The following RAD51B variants were observed in gnomAD, a reference collection of about 807,000 sequenced individuals.
RAD51B encodes the protein RAD51 paralog B.
Under a neutral mutation model 42.2 loss-of-function variants are expected in RAD51B, and 38 were observed. The ratio of observed to expected loss-of-function variants is 0.90; its 90% confidence interval spans 0.70 to 1.18. The LOEUF is 1.18. Ranked by LOEUF, RAD51B falls within the 50% of genes most tolerant of loss-of-function variation. RAD51B has a pLI of 0.00. For synonymous variants in RAD51B, 154 were observed against 145.2 expected (o/e 1.06, Z -0.43); for missense variants, 373 against 400.7 (o/e 0.93, Z 0.59).
At chr14:67,984,180 G>T (rs763782200) in intron 7 of RAD51B, among the ~76,000 whole-genome samples, 3 of 151,980 alleles carry the variant, frequency 2.0e-5, no homozygotes, top group Non-Finnish European at 2.9e-5. Context: ...CTCGTGATCT[G>T]CCTGCCTCTG....
intron 7 of RAD51B, among the ~76,000 whole-genome samples, chr14:68,019,403 T>C (rs1343573712): frequency 6.6e-6 from 1 of 152,180 alleles, no homozygotes; most frequent in East Asian, 1.9e-4. Context: ...CTTTTTATGA[T>C]CATGGTTGAC....
intron 7 of RAD51B, among the ~76,000 whole-genome samples, chr14:67,982,105 T>C (rs928134881): frequency 6.6e-6 from 1 of 152,230 alleles, no homozygotes. Context: ...CCTGGCTGTT[T>C]TGTATTTTTA....
chr14:68,361,865 A>G (rs1449435534), intron 8 of RAD51B, among the ~76,000 whole-genome samples: 1 of 152,086 alleles, frequency 6.6e-6, no homozygotes, highest in Non-Finnish European at 1.5e-5. Context: ...TAGTAGAGAT[A>G]GGGTTTTACC....
intron 10 of RAD51B, among the ~76,000 whole-genome samples, chr14:68,593,351 A>G (rs2257127): frequency 0.2 from 30,378 of 152,226 alleles, 3,213 homozygotes; most frequent in Non-Finnish European, 0.23. Context: ...CAGGCCCATG[A>G]TGGGCTCTCT....
intron 7 of RAD51B, among the ~76,000 whole-genome samples, chr14:68,121,439 A>T (rs1409407129): frequency 2.0e-5 from 3 of 152,030 alleles, no homozygotes; most frequent in African/African-American, 7.2e-5. Flanking sequence ...GTACCATATG[A>T]CCCCATCCCC....
downstream of RAD51B, among the ~76,000 whole-genome samples, chr14:68,615,677 T>A (rs568427056): frequency 4.7e-4 from 72 of 152,342 alleles, no homozygotes; most frequent in African/African-American, 1.7e-3. Flanking sequence ...TGAAATTGTC[T>A]CTCTTTATCT....
intron 10 of RAD51B, among the ~76,000 whole-genome samples, chr14:68,624,528 C>G (rs1892028157): frequency 1.3e-5 from 2 of 152,136 alleles, no homozygotes; most frequent in Admixed American, 6.5e-5. Flanking sequence ...CTGGGATCCC[C>G]CTAACCGCAG....
chr14:67,852,441 A>G (rs1244885910), intron 4 of RAD51B, among the ~76,000 whole-genome samples: 1 of 152,102 alleles, frequency 6.6e-6, no homozygotes, highest in African/African-American at 2.4e-5. Flanking sequence ...CATGGCTTAT[A>G]TGGCTGGGAA....
intron 7 of RAD51B, among the ~76,000 whole-genome samples, chr14:67,983,669 C>T (rs1223461216): frequency 6.6e-6 from 1 of 152,072 alleles, no homozygotes; most frequent in African/African-American, 2.4e-5. Context: ...TAAGATGAGC[C>T]TGAAGAGCTA....
At chr14:67,940,055 T>TA (rs1342389102) in intron 7 of RAD51B, among the ~76,000 whole-genome samples, 126 of 8,608 alleles carry the variant, frequency 0.015, no homozygotes, top group East Asian at 0.029. Flanking sequence ...TATATATATA[T>TA]TTTTTTTTTT....
chr14:68,166,954 A>G (rs973424796), intron 7 of RAD51B, among the ~76,000 whole-genome samples: 1 of 151,984 alleles, frequency 6.6e-6, no homozygotes, highest in Non-Finnish European at 1.5e-5. Flanking sequence ...CCATCCCACA[A>G]TTACTACCTT....
intron 7 of RAD51B, among the ~76,000 whole-genome samples, chr14:68,042,057 G>C (rs1371135244): frequency 6.6e-6 from 1 of 152,148 alleles, no homozygotes; most frequent in Non-Finnish European, 1.5e-5. Context: ...AGATTCTGAA[G>C]TACTCCAGTG....
intron 7 of RAD51B, among the ~76,000 whole-genome samples, chr14:68,257,174 A>G (rs969211707): frequency 3.3e-5 from 5 of 152,190 alleles, no homozygotes; most frequent in Non-Finnish European, 7.4e-5. Flanking sequence ...CAGAAAGTAG[A>G]ATAGAGGTTT....
At position 68,565,316 on chromosome 14, in the gene RAD51B, G is replaced by T. The variant is rs1889368494; in HGVS notation, c.1037-29169G>T. On this transcript the variant is annotated intron_variant, in intron 10 of 10. Transcript: ENST00000487270. This position sits in a 1 kb window ranked among gnomAD's most constrained non-coding sequence, Gnocchi z 4.1. ...TCAGGGCCCAATCTAAGGCCCTCCT[G>T]TAAGGACCAAGCTTCCTCCAGCAAA... Among the ~76,000 whole-genome samples, 1 of 152,196 alleles carries T rather than the reference G, an allele frequency of 6.6e-6. No individual in the cohort carries two copies. The highest frequency in any genetic ancestry group is 6.5e-5 in the Admixed American group (1 of 15,286).
At chr14:68,153,921 A>G (rs1165005755) in intron 7 of RAD51B, among the ~76,000 whole-genome samples, 2 of 152,172 alleles carry the variant, frequency 1.3e-5, no homozygotes, top group African/African-American at 4.8e-5. Context: ...ATTATTCTCC[A>G]CCTGTTTAAG....
chr14:68,482,972 A>T (rs1325633498), downstream of RAD51B, among the ~76,000 whole-genome samples: 1 of 152,178 alleles, frequency 6.6e-6, no homozygotes, highest in Non-Finnish European at 1.5e-5. Flanking sequence ...GTGACTCAAT[A>T]TTGCACTTCA....
chr14:68,426,242 A>ATTTTT (rs55840994), intron 9 of RAD51B, among the ~76,000 whole-genome samples: 5 of 135,260 alleles, frequency 3.7e-5, no homozygotes, highest in African/African-American at 1.4e-4. Flanking sequence ...CTAATTTTGT[A>ATTTTT]TTTTTTTTTT....
chr14:68,611,098 G>A (rs1426080375), exon 11 of RAD51B: 1 of 703,130 alleles, frequency 1.4e-6, no homozygotes, highest in Non-Finnish European at 2.6e-6. Flanking sequence ...ACCTGATGTG[G>A]TGCTCAGAAA....
intron 8 of RAD51B, among the ~76,000 whole-genome samples, chr14:68,385,367 A>T (rs960671650): frequency 6.6e-6 from 1 of 152,090 alleles, no homozygotes; most frequent in African/African-American, 2.4e-5. Flanking sequence ...TACACCCCCT[A>T]GCACTCTCTT....
Sources: allele counts gnomAD v4.1 joint callset (sites outside exome capture counted in the v4.1 genomes callset), GRCh38; gene constraint gnomAD v4.1.1; non-coding constraint Gnocchi (gnomAD v3.1); transcripts MANE v1.5; gene names NCBI Gene and HGNC (gene_info 2026-07-23, HGNC 2026-07-21).